Variants in ANO3 observed in about 807,000 individuals in gnomAD.
ANO3 encodes the protein anoctamin-3.
In ANO3, 99 loss-of-function variants were observed where a neutral mutation model predicts 144.8. That is an observed-to-expected ratio of 0.68 (90% confidence interval 0.58 to 0.81). The LOEUF is 0.81. Among genes scored for constraint, ANO3 ranks in the 30% least tolerant of loss-of-function variants. The probability of loss-of-function intolerance (pLI) is 0.00; values close to 1 mark genes in which losing one functional copy is unlikely to be tolerated. For missense variants in ANO3, 905 were observed against 1,202.2 expected (o/e 0.75, Z 3.66); for synonymous variants, 414 against 392.6 (o/e 1.05, Z -0.64).
intron 8 of ANO3, among the ~76,000 whole-genome samples, chr11:26,532,163 A>G (rs981816963): frequency 3.3e-5 from 5 of 152,200 alleles, no homozygotes; most frequent in Non-Finnish European, 5.9e-5. Flanking sequence ...TAACATAGCC[A>G]TCAATCAATG....
intron 8 of ANO3, among the ~76,000 whole-genome samples, chr11:26,533,434 T>C (rs1415097564): frequency 7.2e-5 from 11 of 151,998 alleles, no homozygotes; most frequent in Non-Finnish European, 1.5e-5. Flanking sequence ...TGACAGATGA[T>C]TGGATAAATG....
chr11:26,489,411 C>A (rs561610328), intron 4 of ANO3, among the ~76,000 whole-genome samples: 1 of 152,216 alleles, frequency 6.6e-6, no homozygotes, highest in Non-Finnish European at 1.5e-5. Flanking sequence ...TCATGGAGAA[C>A]CTCTGCTAGG....
chr11:26,472,293 T>TTAA (rs145147372), intron 4 of ANO3, among the ~76,000 whole-genome samples: 1 of 151,930 alleles, frequency 6.6e-6, no homozygotes, highest in Non-Finnish European at 1.5e-5. Context: ...AGTTTCAATA[T>TTAA]TAATAATAAT....
At chr11:26,510,157 T>TAAA (rs1861609100) in intron 5 of ANO3, among the ~76,000 whole-genome samples, 1 of 39,888 alleles carries the variant, frequency 2.5e-5, no homozygotes, top group Non-Finnish European at 4.5e-5. Flanking sequence ...AAAAAAAGAG[T>TAAA]AGAAAAGAAA....
At chr11:26,536,339 A>AACTGAAGG (rs1849510203) in intron 9 of ANO3, among the ~76,000 whole-genome samples, 3 of 150,590 alleles carry the variant, frequency 2.0e-5, no homozygotes, top group Non-Finnish European at 4.4e-5. Flanking sequence ...AAAAAGAAAG[A>AACTGAAGG]AACTGAAAAT....
intron 23 of ANO3, among the ~76,000 whole-genome samples, chr11:26,645,937 G>T (rs10734379): frequency 0.86 from 130,086 of 152,124 alleles, 56,306 homozygotes; most frequent in Non-Finnish European, 0.93. Flanking sequence ...CAGCTTTAGT[G>T]AGCATTTACT....
chr11:26,534,365 C>T, intron 8 of ANO3, 91 bp from the exon 9 acceptor site: 1 of 729,172 alleles, frequency 1.4e-6, no homozygotes, highest in Non-Finnish European at 2.3e-6. Flanking sequence ...ATTTACTATG[C>T]TTCATATGCA....
intron 1 of ANO3, among the ~76,000 whole-genome samples, chr11:26,300,838 A>C (rs373732541): frequency 7.5e-4 from 109 of 144,990 alleles, no homozygotes; most frequent in East Asian, 6.5e-3. Flanking sequence ...TACTTTATTT[A>C]TTTCTTTCTT....
intron 1 of ANO3, among the ~76,000 whole-genome samples, chr11:26,194,357 A>C (rs941581393): frequency 6.6e-6 from 1 of 152,044 alleles, no homozygotes; most frequent in South Asian, 2.1e-4. Context: ...TTAACATTAA[A>C]GAAGGACTTG....
intron 26 of ANO3, among the ~76,000 whole-genome samples, chr11:26,659,842 G>A (rs1434870415): frequency 6.6e-6 from 1 of 152,132 alleles, no homozygotes; most frequent in Non-Finnish European, 1.5e-5. Context: ...TCTAATGCTA[G>A]CATAACAGGC....
At chr11:26,207,391 A>G (rs540487477) in intron 1 of ANO3, among the ~76,000 whole-genome samples, 1 of 152,290 alleles carries the variant, frequency 6.6e-6, no homozygotes, top group South Asian at 2.1e-4. Context: ...TTACGGTCCA[A>G]TTGCCTCATT....
chr11:26,411,615 A>G (rs1203570382), intron 1 of ANO3, among the ~76,000 whole-genome samples: 1 of 151,958 alleles, frequency 6.6e-6, no homozygotes, highest in Non-Finnish European at 1.5e-5. Context: ...TATCATCTCC[A>G]AGTGACATGC....
intron 1 of ANO3, among the ~76,000 whole-genome samples, chr11:26,239,052 T>TATTA (rs1412904816): frequency 6.7e-6 from 1 of 149,762 alleles, no homozygotes; most frequent in South Asian, 2.1e-4. Context: ...TTAATATTTA[T>TATTA]ATTAATTATA....
At chr11:26,383,817 A>C (rs1171254034) in intron 1 of ANO3, among the ~76,000 whole-genome samples, 1 of 152,022 alleles carries the variant, frequency 6.6e-6, no homozygotes, top group Admixed American at 6.6e-5. Context: ...AAAAATACAA[A>C]AAATAATGAT....
intron 1 of ANO3, among the ~76,000 whole-genome samples, chr11:26,231,275 G>T (rs910457158): frequency 2.0e-5 from 3 of 152,154 alleles, no homozygotes; most frequent in African/African-American, 7.2e-5. Flanking sequence ...TTGGCCTATG[G>T]TCAGGACCAT....
At chr11:26,232,466 A>G (rs1852422374) in intron 1 of ANO3, among the ~76,000 whole-genome samples, 1 of 152,150 alleles carries the variant, frequency 6.6e-6, no homozygotes, top group African/African-American at 2.4e-5. Flanking sequence ...GAACTTCCTT[A>G]TTACATGAGT....
intron 1 of ANO3, among the ~76,000 whole-genome samples, chr11:26,326,428 T>C (rs1854883667): frequency 6.6e-6 from 1 of 152,188 alleles, no homozygotes; most frequent in African/African-American, 2.4e-5. Context: ...GATGTATCTA[T>C]GCACGTACTT....
At chr11:26,541,763 G>T (rs1399678947) in intron 10 of ANO3, among the ~76,000 whole-genome samples, 184 bp from the exon 11 acceptor site, 1 of 152,050 alleles carries the variant, frequency 6.6e-6, no homozygotes, top group African/African-American at 2.4e-5. Flanking sequence ...ATAACTATCG[G>T]ACTATTTTTA....
chr11:26,627,814 A>AGTGTGTGTGT (rs72002807), intron 18 of ANO3, among the ~76,000 whole-genome samples: 2,048 of 131,180 alleles, frequency 0.016, 36 homozygotes, highest in Admixed American at 0.045. Flanking sequence ...AATAGAATCT[A>AGTGTGTGTGT]GTGTGTGTGT....
Sources: allele counts gnomAD v4.1 joint callset (sites outside exome capture counted in the v4.1 genomes callset), GRCh38; gene constraint gnomAD v4.1.1; transcripts MANE v1.5; gene names NCBI Gene and HGNC (gene_info 2026-07-23, HGNC 2026-07-21).